Variants in HECA observed in about 807,000 individuals in gnomAD.
HECA encodes HECA ribonucleoprotein granule regulator.
HECA carries 13 observed loss-of-function variants against 37.6 expected under a neutral mutation model. The observed-to-expected ratio is 0.35, with a 90% CI of 0.23 to 0.55. The LOEUF is 0.55. Among genes scored for constraint, HECA ranks in the 20% least tolerant of loss-of-function variants. The pLI, the probability that HECA is intolerant of heterozygous loss-of-function variation, is 0.90. For synonymous variants in HECA, 307 were observed against 291.5 expected (o/e 1.05, Z -0.54); for missense variants, 527 against 701.9 (o/e 0.75, Z 2.82).
intron 1 of HECA, among the ~76,000 whole-genome samples, chr6:139,142,405 C>G (rs577448870): frequency 1.3e-5 from 2 of 152,254 alleles, no homozygotes; most frequent in African/African-American, 4.8e-5. Flanking sequence ...TTAATACATG[C>G]TGACAGATTG....
At chr6:139,150,613 A>G (rs1774639089) in intron 1 of HECA, among the ~76,000 whole-genome samples, 1 of 151,828 alleles carries the variant, frequency 6.6e-6, no homozygotes, top group African/African-American at 2.4e-5. Context: ...TATGTTGAAT[A>G]TAATCATAGG....
chr6:139,150,289 ATT>A (rs1296825911), intron 1 of HECA, among the ~76,000 whole-genome samples: 1 of 152,188 alleles, frequency 6.6e-6, no homozygotes, highest in African/African-American at 2.4e-5. Flanking sequence ...ATGTATCAAT[ATT>A]TTATATGGAA....
chr6:139,143,829 C>A (rs1203305529), intron 1 of HECA, among the ~76,000 whole-genome samples: 2 of 150,378 alleles, frequency 1.3e-5, no homozygotes, highest in African/African-American at 4.9e-5. Flanking sequence ...CCACTGCACT[C>A]CAGTCTGGTG....
At chr6:139,174,213 C>A (rs1775019507) in intron 2 of HECA, among the ~76,000 whole-genome samples, 172 bp from the exon 3 acceptor site, 1 of 152,198 alleles carries the variant, frequency 6.6e-6, no homozygotes, top group Non-Finnish European at 1.5e-5. Context: ...GCTAGTAATT[C>A]ATCATTATCC....
chr6:139,157,844 C>T (rs1774738893), intron 1 of HECA, among the ~76,000 whole-genome samples: 1 of 152,012 alleles, frequency 6.6e-6, no homozygotes, highest in Non-Finnish European at 1.5e-5. Flanking sequence ...GGGTGTGTGC[C>T]TGCATGTAGC....
rs771909205 is a variant in HECA, at chr6:139,174,477, A to G, written c.1405A>G (p.Ser469Gly). 3.1e-6 allele frequency: 5 copies of G among 1,613,564 alleles called. No homozygotes were observed. Among genetic ancestry groups the G allele is most frequent in the Non-Finnish European group, 4.2e-6 (5 of 1,179,902 alleles). ...CIKCKSRWDGSWHQLGTMYTY... is the reference protein window; with the variant it reads ...CIKCKSRWDGGWHQLGTMYTY... ...CAAGTGTAAGTCACGGTGGGATGGC[A>G]GCTGGCACCAGCTGGGCACTATGTA... is the stretch of plus-strand genomic sequence containing the variant. Residue 469 changes from serine to glycine, a missense_variant, in exon 3 of 4, where the codon AGC (serine) becomes GGC (glycine). Physicochemically the swap from Ser to Gly is moderately conservative, Grantham distance 56 (BLOSUM62 0). Transcript: ENST00000367658.
intron 3 of HECA, among the ~76,000 whole-genome samples, chr6:139,174,966 T>C (rs1775031440): frequency 6.6e-6 from 1 of 152,198 alleles, no homozygotes; most frequent in Admixed American, 6.5e-5. Flanking sequence ...AAAATGTTAT[T>C]CAAAAGGAAG....
At chr6:139,155,693 T>G (rs1421996441) in intron 1 of HECA, 1 of 152,214 alleles carries the variant, frequency 6.6e-6, no homozygotes, top group African/African-American at 2.4e-5. Flanking sequence ...GAGCATATTA[T>G]GTAGTGCATT....
At chr6:139,147,091 G>A (rs1774593794) in intron 1 of HECA, among the ~76,000 whole-genome samples, 1 of 152,148 alleles carries the variant, frequency 6.6e-6, no homozygotes, top group Non-Finnish European at 1.5e-5. Context: ...TGAGTATGAG[G>A]ACACTAAGCT....
Position 139,167,061 on chromosome 6 carries a change from C to G in HECA, c.1049C>G (p.Ser350Cys). Reference sequence around the variant, plus strand: ...CAGTTCCTTCGGCGGCTGGACCTCTCCGAACTCCTCACTCACATCCCCAGG... The same window carrying G: ...CAGTTCCTTCGGCGGCTGGACCTCTGCGAACTCCTCACTCACATCCCCAGG... Reference protein sequence around the residue: ...PVQFLRRLDLSELLTHIPRHK... With the variant: ...PVQFLRRLDLCELLTHIPRHK... Residue 350 changes from serine (S) to cysteine (C), a missense_variant, in exon 2 of 4, where the codon TCC (serine) becomes TGC (cysteine). Around this residue, in one of 4 missense-constraint regions of HECA, gnomAD observed 228 missense variants for 259.8 expected, o/e 0.88. Coordinates refer to ENST00000367658, the MANE Select transcript of HECA (RefSeq NM_016217.3). 1.2e-6 allele frequency: 2 copies of G among 1,614,210 alleles called. No individual in the cohort carries two copies. The highest frequency in any genetic ancestry group is 1.7e-6 in the Non-Finnish European group (2 of 1,180,038).
intron 1 of HECA, among the ~76,000 whole-genome samples, chr6:139,141,463 CTTAT>C (rs2114434876): frequency 6.6e-6 from 1 of 152,270 alleles, no homozygotes; most frequent in East Asian, 1.9e-4. Context: ...CCTTTAGGTT[CTTAT>C]TTATATATTT....
chr6:139,148,629 G>T (rs1465826983), intron 1 of HECA, among the ~76,000 whole-genome samples: 1 of 152,154 alleles, frequency 6.6e-6, no homozygotes, highest in Non-Finnish European at 1.5e-5. Flanking sequence ...AGCTGGGCAT[G>T]GTGGCGCATG....
intron 1 of HECA, among the ~76,000 whole-genome samples, chr6:139,140,089 AT>A (rs1284176949): frequency 6.6e-6 from 1 of 152,114 alleles, no homozygotes; most frequent in Non-Finnish European, 1.5e-5. Context: ...CAGGATTTGT[AT>A]TTTGCTGCAT....
chr6:139,149,925 G>A (rs1057440625), intron 1 of HECA, among the ~76,000 whole-genome samples: 1 of 152,218 alleles, frequency 6.6e-6, no homozygotes, highest in African/African-American at 2.4e-5. Flanking sequence ...TGTTATAACA[G>A]CAGAGTCCAC....
intron 1 of HECA, among the ~76,000 whole-genome samples, chr6:139,141,713 C>A (rs974305860): frequency 3.3e-5 from 5 of 150,908 alleles, no homozygotes; most frequent in Admixed American, 2.0e-4. Context: ...TATGAGGGAT[C>A]TAATCCCGTT....
intron 1 of HECA, among the ~76,000 whole-genome samples, chr6:139,149,916 G>C (rs1365058179): frequency 6.6e-6 from 1 of 152,214 alleles, no homozygotes; most frequent in South Asian, 2.1e-4. Flanking sequence ...TCCTGATTTT[G>C]TTATAACAGC....
Position 139,167,114 on chromosome 6 carries a change from A to G in HECA, c.1102A>G (p.Met368Val), listed in dbSNP as rs1004902380. ...TAAGCTGAACACTTTCCACGTGCGC[A>G]TGGAAGACGATGCCCAAGTGGGCCA... ...RHKLNTFHVR[M>V]EDDAQVGQGE... The change falls in exon 2 of 4, where the codon ATG becomes GTG. Residue 368 changes from methionine (M) to valine (V), a missense_variant. Transcript: ENST00000367658. The G allele has an allele frequency of 2.5e-6, 4 of 1,614,188 alleles. No individual in the cohort carries two copies. Among genetic ancestry groups the G allele is most frequent in the Admixed American group, 1.7e-5 (1 of 60,034 alleles).
At chr6:139,168,979 C>T (rs1400755940) in intron 2 of HECA, among the ~76,000 whole-genome samples, 2 of 152,150 alleles carry the variant, frequency 1.3e-5, no homozygotes, top group Admixed American at 6.5e-5. Flanking sequence ...TCCACCCCTC[C>T]ATGAAGGTTT....
chr6:139,145,290 A>G (rs1489777049), intron 1 of HECA, among the ~76,000 whole-genome samples: 2 of 152,242 alleles, frequency 1.3e-5, no homozygotes, highest in Non-Finnish European at 1.5e-5. Context: ...CTTTTTATAA[A>G]CTAGCAAAAA....
Sources: gnomAD v4.1 joint callset for allele counts (sites outside exome capture counted in the v4.1 genomes callset) on GRCh38, gnomAD v4.1.1 for gene constraint, gnomAD v4.1.1 regional missense constraint, MANE v1.5 for transcripts, NCBI Gene and HGNC (gene_info 2026-07-23, HGNC 2026-07-21) for gene names.